CUBN: variants seen among roughly 807,000 people sequenced by gnomAD.
CUBN encodes 460 kDa receptor.
A neutral mutation model predicts 405.3 loss-of-function variants in CUBN; 282 were observed. The ratio of observed to expected loss-of-function variants is 0.70; its 90% CI spans 0.63 to 0.77. The LOEUF (loss-of-function observed/expected upper bound fraction) is 0.77. Ranked by LOEUF, CUBN falls within the 30% of genes least tolerant of loss-of-function variation. The pLI, the probability that CUBN is intolerant of heterozygous loss-of-function variation, is 0.00. For synonymous variants in CUBN, 1,684 were observed against 1,617.0 expected, an observed-to-expected ratio of 1.04 and a Z score of -0.99; for missense variants, 4,514 against 4,475.2, an observed-to-expected ratio of 1.01 and a Z score of -0.25.
In CUBN at chr10:17,071,969, A is replaced by G; in HGVS notation, c.2304T>C (p.Val768=). The G allele has an allele frequency of 1.2e-6, 2 of 1,610,734 alleles. No individual in the cohort carries two copies. Among genetic ancestry groups the G allele is most frequent in the South Asian group, 1.1e-5 (1 of 90,800 alleles). ...QSDSSQNYIE[V]RDGETLLGKV... is the part of the protein sequence containing the mutation. ...TTCCAAGTAAGGTTTCACCATCTCGAACCTAAAGAGAAAAATAAAATAGAG... is the reference window on the plus strand; with the variant it reads ...TTCCAAGTAAGGTTTCACCATCTCGGACCTAAAGAGAAAAATAAAATAGAG... The change falls in exon 18 of 67, where the codon GTT becomes GTC. Residue 768 remains valine (V), a splice_region_variant and synonymous_variant. Transcript: ENST00000377833.
At chr10:17,044,673 C>G (rs969799204) in intron 25 of CUBN, among the ~76,000 whole-genome samples, 1 of 152,064 alleles carries the variant, frequency 6.6e-6, no homozygotes, top group African/African-American at 2.4e-5. Flanking sequence ...TTCTCTACTT[C>G]GCCAAAACTG....
rs1194888546 is a variant in CUBN, at chr10:17,063,311, G to A, written c.3139+2197C>T. 3.9e-5 allele frequency among the ~76,000 whole-genome samples: 6 copies of A among 152,120 alleles called. No homozygotes were observed. The East Asian group carries it at 5.8e-4, about 15-fold the overall frequency. On this transcript the variant is annotated intron_variant, in intron 22 of 66. Coordinates refer to ENST00000377833, the MANE Select transcript of CUBN (RefSeq NM_001081.4). ...CCTATGAGTTCATCCAACAACAAGC[G>A]GGCACAGTGACCAGCCGGGCTCAGC...
chr10:16,988,148 A>T (rs75190039), intron 29 of CUBN, among the ~76,000 whole-genome samples: 4,200 of 152,282 alleles, frequency 0.028, 202 homozygotes, highest in African/African-American at 0.096. Context: ...ACAACCCGAA[A>T]CACAATTGGC....
chr10:16,947,313 G>T lies in CUBN; in HGVS notation c.5264C>A (p.Pro1755Gln). The T allele has an allele frequency of 6.2e-7, 1 of 1,614,046 alleles. No individual in the cohort carries two copies. Among genetic ancestry groups the T allele is most frequent in the Non-Finnish European group, 8.5e-7 (1 of 1,179,934 alleles). The change falls in exon 36 of 67, where the codon CCA becomes CAA. Residue 1755 changes from proline (P) to glutamine (Q), a missense_variant. Physicochemically the swap from Pro to Gln is moderately conservative, Grantham distance 76. Coordinates refer to ENST00000377833, the MANE Select transcript of CUBN (RefSeq NM_001081.4). ...AEGIFNSPGY[P>Q]DIYPPNVECV... is the part of the protein sequence containing the mutation. ...TTCCACATTAGGGGGATAAATGTCT[G>T]GGTAGCCAGGGCTGTTGAAGATGCC...
At chr10:16,967,843 CAGAGGGAGAGAGAGAGAAGGAGAGACAG>C (rs1564452524) in intron 31 of CUBN, among the ~76,000 whole-genome samples, 2 of 110,848 alleles carry the variant, frequency 1.8e-5, no homozygotes, top group Non-Finnish European at 3.8e-5. Flanking sequence ...GAAGGAGAGA[CAGAGGGAGAGAGAGAGAAGGAGAGACAG>C]GGAGAGAGAG....
rs561377458 is a variant in CUBN at position 17,047,038 on chromosome 10, T to C, written c.3329+376A>G. 6.6e-5 allele frequency among the ~76,000 whole-genome samples: 10 copies of C among 152,318 alleles called. No homozygotes were observed. In the South Asian group the frequency reaches 2.1e-3, roughly 32 times the overall value. On this transcript the variant is annotated intron_variant, in intron 23 of 66. Coordinates refer to ENST00000377833, the MANE Select transcript of CUBN (RefSeq NM_001081.4). ...TTGCTATCCTGCCATCATTTTATAA[T>C]ATAATTAGATTAAATGAACAGCAAA...
At chr10:16,917,162 A>G in intron 45 of CUBN, among the ~76,000 whole-genome samples, 1 of 152,036 alleles carries the variant, frequency 6.6e-6, no homozygotes, top group South Asian at 2.1e-4. Flanking sequence ...AGACTCAGAG[A>G]AAAAAAAGGT....
chr10:17,079,077 A>T (rs2131857245), intron 17 of CUBN, among the ~76,000 whole-genome samples: 1 of 152,176 alleles, frequency 6.6e-6, no homozygotes, highest in South Asian at 2.1e-4. Context: ...GAATTATTTC[A>T]CTAGAGGAAT....
At chr10:16,983,474 G>C (rs909648770) in intron 30 of CUBN, among the ~76,000 whole-genome samples, 1 of 152,236 alleles carries the variant, frequency 6.6e-6, no homozygotes, top group Non-Finnish European at 1.5e-5. Context: ...ACACTGGTAA[G>C]ATGAGGATAT....
chr10:16,967,562 A>G (rs1843426528), intron 31 of CUBN, among the ~76,000 whole-genome samples: 1 of 152,172 alleles, frequency 6.6e-6, no homozygotes, highest in South Asian at 2.1e-4. Context: ...GTAGCTAAGC[A>G]TGTTAATACA....
At chr10:16,959,321 AC>A (rs1310433493) in intron 31 of CUBN, among the ~76,000 whole-genome samples, 3 of 152,188 alleles carry the variant, frequency 2.0e-5, no homozygotes, top group African/African-American at 7.2e-5. Flanking sequence ...TGTTTTTAAC[AC>A]TTATAATATC....
At chr10:16,910,972 C>G (rs1841714475) in intron 48 of CUBN, among the ~76,000 whole-genome samples, 1 of 152,118 alleles carries the variant, frequency 6.6e-6, no homozygotes, top group Admixed American at 6.6e-5. Flanking sequence ...AGTCAGCTCT[C>G]TAGCCCAGGA....
At chr10:17,069,733 G>A (rs1392496523) in intron 19 of CUBN, among the ~76,000 whole-genome samples, 2 of 151,960 alleles carry the variant, frequency 1.3e-5, no homozygotes, top group African/African-American at 4.8e-5. Flanking sequence ...TTGTAGAGAT[G>A]GGGTCTCACT....
At chr10:17,084,704 T>C (rs1836064578) in intron 16 of CUBN, among the ~76,000 whole-genome samples, 1 of 152,246 alleles carries the variant, frequency 6.6e-6, no homozygotes, top group East Asian at 1.9e-4. Flanking sequence ...CAATCTGCCA[T>C]TCTCTTCTAT....
rs1354839613 is a variant in CUBN at position 16,836,337 on chromosome 10, C to G, written c.10078G>C (p.Ala3360Pro). The G allele has an allele frequency of 6.2e-7, 1 of 1,613,828 alleles. No homozygotes were observed. Among genetic ancestry groups the G allele is most frequent in the Non-Finnish European group, 8.5e-7 (1 of 1,179,810 alleles). Reference sequence around the variant, plus strand: ...ATAGAAGAATAAAACACTGGCACAGCCGAAGCATTTCTGCCACAGAACTGA... The same window carrying G: ...ATAGAAGAATAAAACACTGGCACAGGCGAAGCATTTCTGCCACAGAACTGA... ...RFQFCGRNAS[A>P]VPVFYSSMST... Residue 3360 changes from alanine (A) to proline (P), a missense_variant, in exon 63 of 67, where the codon GCT becomes CCT. Physicochemically the swap from Ala to Pro is conservative, Grantham distance 27. Transcript: ENST00000377833.
intron 60 of CUBN, among the ~76,000 whole-genome samples, chr10:16,842,228 G>T (rs1839375869): frequency 6.6e-6 from 1 of 151,856 alleles, no homozygotes; most frequent in Non-Finnish European, 1.5e-5. Flanking sequence ...AAAATTTTTA[G>T]AGATGGGGTC....
intron 60 of CUBN, among the ~76,000 whole-genome samples, chr10:16,846,762 A>G (rs548142117): frequency 4.6e-5 from 7 of 151,394 alleles, no homozygotes; most frequent in African/African-American, 1.7e-4. Context: ...CAGTAAGCCA[A>G]TATCACACCA....
intron 28 of CUBN, among the ~76,000 whole-genome samples, chr10:17,015,900 T>G (rs1486778938): frequency 6.6e-6 from 1 of 152,222 alleles, no homozygotes; most frequent in East Asian, 1.9e-4. Flanking sequence ...CCAAGGTTTG[T>G]TTGTCTGAGG....
At chr10:17,011,412 G>T (rs1017469166) in intron 28 of CUBN, among the ~76,000 whole-genome samples, 1 of 152,104 alleles carries the variant, frequency 6.6e-6, no homozygotes, top group Non-Finnish European at 1.5e-5. Flanking sequence ...GGCCCTTAAA[G>T]GTAGTGCGGA....
Sources: gnomAD v4.1 joint callset for allele counts (sites outside exome capture counted in the v4.1 genomes callset) on GRCh38, gnomAD v4.1.1 for gene constraint, MANE v1.5 for transcripts, NCBI Gene and HGNC (gene_info 2026-07-23, HGNC 2026-07-21) for gene names.